The following KATNAL1 variants were observed in gnomAD, a reference collection of about 807,000 sequenced individuals.
The protein encoded by KATNAL1 is katanin catalytic subunit A1 like 1, also known as katanin p60 ATPase-containing subunit A-like 1.
Under a neutral mutation model 55.2 loss-of-function variants are expected in KATNAL1, and 32 were observed. The ratio of observed to expected loss-of-function variants is 0.58; its 90% CI spans 0.44 to 0.78. The LOEUF is 0.78. Ranked by LOEUF, KATNAL1 falls within the 30% of genes least tolerant of loss-of-function variation. The probability of loss-of-function intolerance (pLI) is 0.00; values close to 1 mark genes in which losing one functional copy is unlikely to be tolerated. For synonymous variants in KATNAL1, 193 were observed against 193.6 expected (o/e 1.00, Z 0.02); for missense variants, 466 against 600.9 (o/e 0.78, Z 2.35).
chr13:30,230,337 AAATGAACAAATAAATGGGTG>A (rs1175028140), intron 8 of KATNAL1, 111 bp downstream of exon 8: 25 of 756,678 alleles, frequency 3.3e-5, no homozygotes, highest in Non-Finnish European at 4.8e-5. Context: ...GTGCATGAAC[AAATGAACAAATAAATGGGTG>A]AATGAACAAA....
chr13:30,241,066 A>G lies in KATNAL1; in HGVS notation c.513T>C (p.Asp171=). 3.1e-6 allele frequency: 5 copies of G among 1,613,264 alleles called. No individual in the cohort carries two copies. Among genetic ancestry groups the G allele is most frequent in the South Asian group, 1.1e-5 (1 of 90,982 alleles). Residue 171 remains aspartate, a synonymous_variant, in exon 5 of 11, where the codon GAT becomes GAC. Coordinates refer to ENST00000380615, the MANE Select transcript of KATNAL1 (RefSeq NM_032116.5). ...RDDKGRKNMQ[D]GASDGEMPKF... is the part of the protein sequence containing the mutation. Reference sequence around the variant, plus strand: ...TTGGCATTTCACCATCACTTGCACCATCTTGCATATTCTTCCTTCCCTGGG... The same window carrying G: ...TTGGCATTTCACCATCACTTGCACCGTCTTGCATATTCTTCCTTCCCTGGG...
At chr13:30,231,879 A>G (rs1395076960) in intron 6 of KATNAL1, among the ~76,000 whole-genome samples, 3 of 152,212 alleles carry the variant, frequency 2.0e-5, no homozygotes, top group African/African-American at 7.2e-5. Flanking sequence ...TTTACCCTCT[A>G]TAAGGGACAG....
chr13:30,275,447 T>C (rs1006397400), intron 3 of KATNAL1, among the ~76,000 whole-genome samples: 2 of 152,160 alleles, frequency 1.3e-5, no homozygotes, highest in Non-Finnish European at 2.9e-5. Flanking sequence ...GAGGTCACAT[T>C]TCAACATGGG....
At chr13:30,256,560 A>G (rs1158171238) in intron 3 of KATNAL1, among the ~76,000 whole-genome samples, 1 of 152,132 alleles carries the variant, frequency 6.6e-6, no homozygotes, top group Non-Finnish European at 1.5e-5. Flanking sequence ...TTCCAGCCTC[A>G]CACTTATAAT....
chr13:30,248,620 T>C (rs967999664), intron 4 of KATNAL1, among the ~76,000 whole-genome samples: 2 of 152,182 alleles, frequency 1.3e-5, no homozygotes, highest in Admixed American at 1.3e-4. Context: ...TGAGATATGA[T>C]TATACCTAAA....
intron 8 of KATNAL1, among the ~76,000 whole-genome samples, chr13:30,227,919 C>T (rs1014724180): frequency 5.9e-5 from 9 of 151,926 alleles, no homozygotes; most frequent in Non-Finnish European, 1.0e-4. Context: ...CATAAAGTTC[C>T]GCAAAAATTT....
rs1873202470 is a variant in KATNAL1 at position 30,206,886 on chromosome 13, T to C, written c.*1654A>G. The C allele has an allele frequency of 6.6e-6, 1 of 152,122 alleles. No individual in the cohort carries two copies. The highest frequency in any genetic ancestry group is 2.1e-4 in the South Asian group (1 of 4,832). 9.4% of individuals were successfully genotyped at this position (152,122 alleles called of 1,614,324 possible). A position where few individuals can be genotyped will look rare whatever the true frequency, so the allele number is the denominator to read the frequency against. On this transcript the variant is annotated 3_prime_UTR_variant, in exon 11 of 11. Transcript: ENST00000380615. ...TAGGAAGAATTCAATTACAATAAAA[T>C]CATGATGTCTTATGATCTGGCATCT...
At chr13:30,232,860 T>C (rs1286371191) in intron 6 of KATNAL1, among the ~76,000 whole-genome samples, 1 of 152,182 alleles carries the variant, frequency 6.6e-6, no homozygotes, top group East Asian at 1.9e-4. Context: ...AAGAACAGTC[T>C]CTTCAATAAA....
chr13:30,278,664 G>A (rs1176638505), intron 3 of KATNAL1, among the ~76,000 whole-genome samples: 2 of 152,178 alleles, frequency 1.3e-5, no homozygotes. Flanking sequence ...GTTATTATCA[G>A]CTCTTAGGTT....
intron 3 of KATNAL1, among the ~76,000 whole-genome samples, chr13:30,269,157 A>G (rs1236059980): frequency 2.6e-5 from 4 of 151,630 alleles, no homozygotes; most frequent in Admixed American, 2.0e-4. Flanking sequence ...TACTGCTGCC[A>G]TCTCGGCCCA....
At chr13:30,245,007 T>G (rs570617603) in intron 4 of KATNAL1, among the ~76,000 whole-genome samples, 3 of 150,522 alleles carry the variant, frequency 2.0e-5, no homozygotes, top group African/African-American at 7.3e-5. Flanking sequence ...CTGAAACTAT[T>G]CCAAACAATT....
At chr13:30,219,153 T>C (rs1157685952) in intron 9 of KATNAL1, among the ~76,000 whole-genome samples, 1 of 152,224 alleles carries the variant, frequency 6.6e-6, no homozygotes, top group African/African-American at 2.4e-5. Context: ...TCATAAAATG[T>C]CCAATTTTTT....
At chr13:30,209,983 C>T (rs931157229) in intron 10 of KATNAL1, among the ~76,000 whole-genome samples, 14 of 152,090 alleles carry the variant, frequency 9.2e-5, no homozygotes, top group African/African-American at 2.9e-4. Context: ...GGGGTTTCAC[C>T]GTGTTAGCCA....
chr13:30,213,346 A>G (rs1873881567), intron 9 of KATNAL1, among the ~76,000 whole-genome samples: 2 of 152,322 alleles, frequency 1.3e-5, no homozygotes, highest in Admixed American at 6.5e-5. Flanking sequence ...CCAGAGGTAC[A>G]AGGAGGAACT....
intron 1 of KATNAL1, among the ~76,000 whole-genome samples, chr13:30,291,454 AT>A (rs1158055582): frequency 6.6e-6 from 1 of 152,254 alleles, no homozygotes; most frequent in Non-Finnish European, 1.5e-5. Flanking sequence ...GTGTTTATGA[AT>A]AAAAACACTC....
chr13:30,298,558 A>G (rs1882669015), intron 1 of KATNAL1, among the ~76,000 whole-genome samples: 1 of 152,342 alleles, frequency 6.6e-6, no homozygotes, highest in East Asian at 1.9e-4. Context: ...ATACAACATA[A>G]AGCAAAATTA....
At chr13:30,245,792 T>C (rs566585170) in intron 4 of KATNAL1, among the ~76,000 whole-genome samples, 7 of 152,158 alleles carry the variant, frequency 4.6e-5, no homozygotes, top group African/African-American at 1.7e-4. Context: ...GAACTTCCAT[T>C]CACAACTGCT....
rs899069837 is a variant in KATNAL1, at chr13:30,266,034, A to G, written c.324-10419T>C. 5.4e-4 allele frequency among the ~76,000 whole-genome samples: 80 copies of G among 149,420 alleles called. 1 individual carries two copies. The East Asian group carries it at 0.012, about 22-fold the overall frequency. The stretch of plus-strand genomic sequence containing the variant: ...TCTCAAAAAAAAAAAAAAAAAAAAA[A>G]AAGTCTCACTCACTCTGCCACCCAG... On this transcript the variant is annotated intron_variant, in intron 3 of 10. Coordinates refer to ENST00000380615, the MANE Select transcript of KATNAL1 (RefSeq NM_032116.5).
intron 1 of KATNAL1, among the ~76,000 whole-genome samples, chr13:30,295,638 T>C (rs1472361227): frequency 6.6e-6 from 1 of 151,858 alleles, no homozygotes; most frequent in Non-Finnish European, 1.5e-5. Context: ...ATGAGTTGTT[T>C]CTTATGCATG....
Sources: allele counts gnomAD v4.1 joint callset (sites outside exome capture counted in the v4.1 genomes callset), GRCh38; gene constraint gnomAD v4.1.1; transcripts MANE v1.5; gene names NCBI Gene and HGNC (gene_info 2026-07-23, HGNC 2026-07-21).